Variants in PPP4R3B observed in about 807,000 individuals in gnomAD.
PPP4R3B encodes the protein protein phosphatase 4 regulatory subunit 3B.
In PPP4R3B, 52 loss-of-function variants were observed where a neutral mutation model predicts 95.4. That is an observed-to-expected ratio of 0.54 (90% CI 0.44 to 0.69). The LOEUF (loss-of-function observed/expected upper bound fraction) is 0.69. Among genes scored for constraint, PPP4R3B ranks in the 30% least tolerant of loss-of-function variants. PPP4R3B has a pLI of 0.00. For missense variants in PPP4R3B, 1,003 were observed against 1,005.9 expected (o/e 1.00, Z 0.04); for synonymous variants, 407 against 343.9 (o/e 1.18, Z -2.03).
chr2:55,564,964 T>C lies in PPP4R3B; in HGVS notation c.2013A>G (p.Thr671=). 3.1e-6 allele frequency: 5 copies of C among 1,610,920 alleles called. No homozygotes were observed. In the South Asian group the frequency reaches 5.5e-5, roughly 18 times the overall value. ...CATATTTAGTCTTCAATCCTTTGAA[T>C]GTCTGAACATATTCAATCGATTCAA... ...KALESIEYVQ[T]FKGLKTKYEQ... is the part of the protein sequence containing the mutation. Residue 671 remains threonine, a synonymous_variant, in exon 14 of 17, where the codon ACA becomes ACG. Transcript: ENST00000616407.
intron 2 of PPP4R3B, among the ~76,000 whole-genome samples, chr2:55,613,352 G>A (rs1572754814): frequency 7.4e-6 from 1 of 134,632 alleles, no homozygotes; most frequent in Middle Eastern, 3.6e-3. Context: ...ATGTTATGTT[G>A]CCAAAAAAAA....
chr2:55,597,876 C>T (rs1692021875), intron 4 of PPP4R3B, among the ~76,000 whole-genome samples: 1 of 152,116 alleles, frequency 6.6e-6, no homozygotes. Context: ...ATTTTAGAAA[C>T]ACAAATACTA....
intron 12 of PPP4R3B, among the ~76,000 whole-genome samples, chr2:55,571,057 T>C (rs977204921): frequency 2.0e-5 from 3 of 152,210 alleles, no homozygotes; most frequent in East Asian, 3.8e-4. Context: ...ACACCTGTAA[T>C]CTCAGCCCTT....
Position 55,598,518 on chromosome 2 carries a change from C to G in PPP4R3B, c.819G>C (p.Gln273His). The stretch of plus-strand genomic sequence containing the variant: ...CAGATGGTGTGGGCAAAATGATGTC[C>G]TGAATGTACTGTACCCTGTAAGTCT... ...IHQTYRVQYIQDIILPTPSVF... is the reference protein window; with the variant it reads ...IHQTYRVQYIHDIILPTPSVF... Residue 273 changes from glutamine (Q) to histidine (H), a missense_variant, in exon 4 of 17, where the codon CAG becomes CAC. By Grantham distance (24) the Gln-to-His change is conservative. This residue lies in a region of PPP4R3B where 695 missense variants were observed against 686.2 expected (regional missense o/e 1.01). Coordinates refer to ENST00000616407, the MANE Select transcript of PPP4R3B (RefSeq NM_001122964.3). 6.2e-7 allele frequency: 1 copy of G among 1,614,104 alleles called. No homozygotes were observed. Among genetic ancestry groups the G allele is most frequent in the Non-Finnish European group, 8.5e-7 (1 of 1,180,032 alleles).
At chr2:55,568,124 G>T in intron 13 of PPP4R3B, 70 bp downstream of exon 13, 1 of 1,095,208 alleles carries the variant, frequency 9.1e-7, no homozygotes, top group Non-Finnish European at 1.2e-6. Flanking sequence ...TTGCTTACAT[G>T]TAATTCTTTT....
intron 11 of PPP4R3B, among the ~76,000 whole-genome samples, chr2:55,576,765 A>G (rs1320396221): frequency 3.3e-5 from 5 of 152,250 alleles, no homozygotes; most frequent in Admixed American, 1.3e-4. Flanking sequence ...CTTCATCTTT[A>G]TAACGGGGAC....
chr2:55,603,689 A>C (rs1474015945), intron 3 of PPP4R3B, among the ~76,000 whole-genome samples: 3 of 152,148 alleles, frequency 2.0e-5, no homozygotes, highest in Non-Finnish European at 4.4e-5. Context: ...TTAATTACTT[A>C]ATCTTCTTTT....
chr2:55,559,540 G>A (rs1003520118), intron 15 of PPP4R3B, among the ~76,000 whole-genome samples: 6 of 152,084 alleles, frequency 3.9e-5, no homozygotes, highest in Non-Finnish European at 8.8e-5. Flanking sequence ...GATCATGGGG[G>A]TGGATTTCGC....
intron 1 of PPP4R3B, among the ~76,000 whole-genome samples, chr2:55,615,846 G>C (rs944327422): frequency 1.1e-5 from 1 of 88,124 alleles, no homozygotes; most frequent in South Asian, 3.7e-4. Flanking sequence ...AACAGAGCAA[G>C]ACTCTGTCTC....
Position 55,558,842 on chromosome 2 carries a change from G to A in PPP4R3B, c.2387C>T (p.Pro796Leu), listed in dbSNP as rs754808990. 21 of 1,613,456 alleles carry A rather than the reference G, an allele frequency of 1.3e-5. No individual in the cohort carries two copies. Among genetic ancestry groups the A allele is most frequent in the Non-Finnish European group, 1.5e-5 (18 of 1,179,712 alleles). ...AGAGGATCCATTAGAAGTTGCTGGTGGTATCTGAGCCACTACAGATTTACT... is the reference window on the plus strand; with the variant it reads ...AGAGGATCCATTAGAAGTTGCTGGTAGTATCTGAGCCACTACAGATTTACT... The part of the protein sequence containing the change: ...TNSKSVVAQI[P>L]PATSNGSSSK... The change falls in exon 16 of 17, where the codon CCA becomes CTA. Residue 796 changes from proline to leucine, a missense_variant. Pro to Leu is a moderately conservative substitution (Grantham distance 98). Coordinates refer to ENST00000616407, the MANE Select transcript of PPP4R3B (RefSeq NM_001122964.3).
At chr2:55,570,897 T>C (rs935590853) in intron 12 of PPP4R3B, among the ~76,000 whole-genome samples, 2 of 152,232 alleles carry the variant, frequency 1.3e-5, no homozygotes, top group Admixed American at 1.3e-4. Context: ...CTGGCAAGTT[T>C]GTGAGCAAAG....
At chr2:55,573,306 T>C (rs1688241736) in intron 12 of PPP4R3B, among the ~76,000 whole-genome samples, 1 of 152,148 alleles carries the variant, frequency 6.6e-6, no homozygotes, top group Admixed American at 6.5e-5. Flanking sequence ...AAAGAGTGAC[T>C]GACTACTAAA....
At chr2:55,600,039 T>G (rs1447380676) in intron 3 of PPP4R3B, among the ~76,000 whole-genome samples, 1 of 152,224 alleles carries the variant, frequency 6.6e-6, no homozygotes, top group Non-Finnish European at 1.5e-5. Context: ...TTTATTTCTC[T>G]CCAATGGTTC....
chr2:55,572,030 G>T (rs1272343937), intron 12 of PPP4R3B, among the ~76,000 whole-genome samples: 1 of 152,224 alleles, frequency 6.6e-6, no homozygotes, highest in East Asian at 1.9e-4. Context: ...CAGAAGGAAA[G>T]AGGAAAGGTA....
chr2:55,591,494 T>C (rs1381933661), intron 4 of PPP4R3B: 6 of 978,176 alleles, frequency 6.1e-6, no homozygotes, highest in Non-Finnish European at 7.3e-6. Context: ...GGTGAGTAAG[T>C]ACATATTTAC....
chr2:55,612,537 G>A (rs1694308879), intron 2 of PPP4R3B, among the ~76,000 whole-genome samples: 1 of 152,148 alleles, frequency 6.6e-6, no homozygotes, highest in Admixed American at 6.5e-5. Flanking sequence ...GGGCCACACA[G>A]TGAGACCGTC....
At chr2:55,605,268 G>A (rs1007500364) in intron 2 of PPP4R3B, among the ~76,000 whole-genome samples, 11 of 151,984 alleles carry the variant, frequency 7.2e-5, no homozygotes, top group African/African-American at 2.2e-4. Flanking sequence ...AAGTTTATAC[G>A]CTACCAAAAA....
At chr2:55,616,809 G>T (rs1695006700) in intron 1 of PPP4R3B, among the ~76,000 whole-genome samples, 1 of 151,998 alleles carries the variant, frequency 6.6e-6, no homozygotes, top group Non-Finnish European at 1.5e-5. Flanking sequence ...GTAAATAAAG[G>T]GGGAGGAAGG....
chr2:55,568,436 C>T, intron 12 of PPP4R3B, 73 bp from the exon 13 acceptor site: 1 of 1,276,414 alleles, frequency 7.8e-7, no homozygotes, highest in South Asian at 1.8e-5. Flanking sequence ...GTTTTTCCAC[C>T]ATAAAGCAAT....
Sources: allele counts gnomAD v4.1 joint callset (sites outside exome capture counted in the v4.1 genomes callset), GRCh38; gene constraint gnomAD v4.1.1; regional missense constraint gnomAD v4.1.1; transcripts MANE v1.5; gene names NCBI Gene and HGNC (gene_info 2026-07-23, HGNC 2026-07-21).